ZNF33B: variants seen among roughly 807,000 people sequenced by gnomAD.
The protein encoded by ZNF33B is zinc finger protein 11b (KOX 2).
ZNF33B carries 29 observed loss-of-function variants against 45.8 expected under a neutral mutation model. The observed-to-expected ratio is 0.63, with a 90% confidence interval of 0.47 to 0.86. The LOEUF is 0.86. ZNF33B is among the 40% of genes least tolerant of loss of function. The pLI, the probability that ZNF33B is intolerant of heterozygous loss-of-function variation, is 0.00. For missense variants in ZNF33B, 831 were observed against 909.9 expected, an observed-to-expected ratio of 0.91 and a Z score of 1.12; for synonymous variants, 305 against 307.8, an observed-to-expected ratio of 0.99 and a Z score of 0.10.
At chr10:42,575,244 C>T (rs1359964207) in intron 1 of ZNF33B, among the ~76,000 whole-genome samples, 2 of 152,128 alleles carry the variant, frequency 1.3e-5, no homozygotes, top group South Asian at 2.1e-4. Flanking sequence ...GGGAGCTGTG[C>T]TTAATGTGGC....
At chr10:42,633,726 G>C (rs759356356) in intron 2 of ZNF33B, among the ~76,000 whole-genome samples, 1 of 152,162 alleles carries the variant, frequency 6.6e-6, no homozygotes, top group African/African-American at 2.4e-5. Context: ...TCAGCACTTT[G>C]GGAGGCCGAG....
Position 42,591,424 on chromosome 10 carries a change from G to T in ZNF33B, c.*1189C>A. 1 of 311,044 alleles carries T rather than the reference G, an allele frequency of 3.2e-6. No individual in the cohort carries two copies. The highest frequency in any genetic ancestry group is 4.7e-6 in the Non-Finnish European group (1 of 213,938). The allele number at this position is 311,044 out of a possible 1,614,324, so 19.3% of individuals were successfully genotyped here. ...CCTAGATCTTCACACGTACAGGATAGATTTTTTTTCAGATAATCTGTTATT... is the reference window on the plus strand; with the variant it reads ...CCTAGATCTTCACACGTACAGGATATATTTTTTTTCAGATAATCTGTTATT... On this transcript the variant is annotated 3_prime_UTR_variant, in exon 5 of 5. Coordinates refer to ENST00000359467, the MANE Select transcript of ZNF33B (RefSeq NM_006955.3).
At chr10:42,624,256 G>A (rs1333422614) in intron 4 of ZNF33B, among the ~76,000 whole-genome samples, 1 of 152,172 alleles carries the variant, frequency 6.6e-6, no homozygotes, top group South Asian at 2.1e-4. Flanking sequence ...CCACACTAGG[G>A]TTGAGGGCTC....
Position 42,591,534 on chromosome 10 carries a change from G to T in ZNF33B, c.*1079C>A. Reference sequence around the variant, plus strand: ...TCAGGACACGACAAACACCTGGGATGGGCCTGATGAAGTAACCACTACTAA... The same window carrying T: ...TCAGGACACGACAAACACCTGGGATTGGCCTGATGAAGTAACCACTACTAA... On this transcript the variant is annotated 3_prime_UTR_variant, in exon 5 of 5. Coordinates refer to ENST00000359467, the MANE Select transcript of ZNF33B (RefSeq NM_006955.3). 2 of 391,650 alleles carry T rather than the reference G, an allele frequency of 5.1e-6. No individual in the cohort carries two copies. Among genetic ancestry groups the T allele is most frequent in the Non-Finnish European group, 7.0e-6 (2 of 287,330 alleles). 24.3% of individuals were successfully genotyped at this position (391,650 alleles called of 1,614,324 possible).
At chr10:42,601,481 T>TG (rs201344700) in intron 4 of ZNF33B, among the ~76,000 whole-genome samples, 4 of 140,512 alleles carry the variant, frequency 2.8e-5, no homozygotes, top group East Asian at 2.1e-4. Flanking sequence ...TTTTTTTTTT[T>TG]TTTTTTTTTT....
intron 1 of ZNF33B, chr10:42,578,744 G>GT (rs1836783353): frequency 6.6e-6 from 1 of 152,256 alleles, no homozygotes; most frequent in Non-Finnish European, 1.5e-5. Context: ...TATCTGTGGT[G>GT]TATCTCACAG....
At chr10:42,603,215 C>G (rs1837698185) in intron 4 of ZNF33B, among the ~76,000 whole-genome samples, 1 of 152,182 alleles carries the variant, frequency 6.6e-6, no homozygotes, top group Non-Finnish European at 1.5e-5. Flanking sequence ...GCCTCCAGAT[C>G]CCGAATAATG....
At chr10:42,588,859 GGTA>G (rs1304577492), downstream of ZNF33B, among the ~76,000 whole-genome samples, 1 of 152,164 alleles carries the variant, frequency 6.6e-6, no homozygotes, top group African/African-American at 2.4e-5. Context: ...TGTCTGCTAA[GGTA>G]CCTCACCTGT....
chr10:42,605,609 A>C (rs1837808307), intron 4 of ZNF33B, among the ~76,000 whole-genome samples: 1 of 152,252 alleles, frequency 6.6e-6, no homozygotes, highest in South Asian at 2.1e-4. Flanking sequence ...GAAGTTCTTT[A>C]GGGTGAAAAC....
chr10:42,632,258 G>A (rs1435821414), intron 3 of ZNF33B, 37 bp downstream of exon 3: 14 of 1,579,604 alleles, frequency 8.9e-6, no homozygotes, highest in Admixed American at 3.9e-5. Context: ...CAAAATAAAC[G>A]AATGCTATTT....
chr10:42,636,725 C>T lies in ZNF33B; in HGVS notation c.9+195G>A, dbSNP rs921143891. The T allele has an allele frequency of 2.7e-5, 18 of 662,116 alleles. No individual in the cohort carries two copies. In the African/African-American group the frequency reaches 3.1e-4, roughly 11 times the overall value. The allele number at this position is 662,116 out of a possible 1,614,324, so 41.0% of individuals were successfully genotyped here. A position where few individuals can be genotyped will look rare whatever the true frequency, so the allele number is the denominator to read the frequency against. On this transcript the variant is annotated intron_variant, in intron 2 of 4. Transcript: ENST00000359467. ...GTCCCAGCCAATCGGGAGGCTGAGGCAGGTGAATTGCTTGAACCCAGGAGG... is the reference window on the plus strand; with the variant it reads ...GTCCCAGCCAATCGGGAGGCTGAGGTAGGTGAATTGCTTGAACCCAGGAGG...
intron 4 of ZNF33B, among the ~76,000 whole-genome samples, chr10:42,625,057 T>C (rs1838745278): frequency 6.7e-6 from 1 of 150,342 alleles, no homozygotes; most frequent in African/African-American, 2.5e-5. Flanking sequence ...TATATATATA[T>C]ATATGGTTCC....
chr10:42,615,875 A>C (rs989878956), intron 4 of ZNF33B, among the ~76,000 whole-genome samples: 18 of 151,616 alleles, frequency 1.2e-4, no homozygotes, highest in Non-Finnish European at 2.4e-4. Context: ...CAGTGAGCCG[A>C]GATCACGCCA....
At chr10:42,630,017 C>T (rs1589070818) in intron 4 of ZNF33B, among the ~76,000 whole-genome samples, 1 of 152,166 alleles carries the variant, frequency 6.6e-6, no homozygotes, top group Non-Finnish European at 1.5e-5. Context: ...TTTGCTCCAA[C>T]CATCAAAAAT....
Position 42,594,425 on chromosome 10 carries a change from T to C in ZNF33B, c.525A>G (p.Lys175=). 6.2e-7 allele frequency: 1 copy of C among 1,613,736 alleles called. No homozygotes were observed. The highest frequency in any genetic ancestry group is 1.1e-5 in the South Asian group (1 of 90,974). ...KKSDEFNACG[K]LLLNIKHDET... Reference sequence around the variant, plus strand: ...CATCATGCTTAATATTGAGTAACAATTTCCCACATGCATTAAATTCGTCAG... The same window carrying C: ...CATCATGCTTAATATTGAGTAACAACTTCCCACATGCATTAAATTCGTCAG... The change falls in exon 5 of 5, where the codon AAA becomes AAG. Residue 175 remains lysine (K), a synonymous_variant. Coordinates refer to ENST00000359467, the MANE Select transcript of ZNF33B (RefSeq NM_006955.3).
chr10:42,627,101 T>TCAAGCCATTCTCCTGCCTC (rs962282306), intron 4 of ZNF33B, among the ~76,000 whole-genome samples: 3 of 152,094 alleles, frequency 2.0e-5, no homozygotes, highest in African/African-American at 7.2e-5. Context: ...CTCCCTGGGT[T>TCAAGCCATTCTCCTGCCTC]CAAGCCATTC....
intron 4 of ZNF33B, among the ~76,000 whole-genome samples, chr10:42,611,858 T>C (rs1448239031): frequency 1.1e-4 from 17 of 152,248 alleles, no homozygotes; most frequent in Non-Finnish European, 1.2e-4. Context: ...GGGAGTTCTT[T>C]AGAATTTTCT....
In ZNF33B at chr10:42,597,981, C is replaced by CA. The variant is rs552683567; in HGVS notation, c.251-3283dup. ...CAGTATATTGCTGTATTTTCAAATGCAAAAAAAACCCTATTTTTAAAGTTG... is the reference window on the plus strand; with the variant it reads ...CAGTATATTGCTGTATTTTCAAATGCAAAAAAAAACCCTATTTTTAAAGTTG... On this transcript the variant is annotated intron_variant, in intron 4 of 4. Coordinates refer to ENST00000359467, the MANE Select transcript of ZNF33B (RefSeq NM_006955.3). Among the ~76,000 whole-genome samples, 108 of 151,372 alleles carry CA rather than the reference C, an allele frequency of 7.1e-4. 2 individuals carry two copies. The highest frequency in any genetic ancestry group is 7.1e-3 in the South Asian group (34 of 4,784).
At chr10:42,577,302 C>A (rs1190035026) in intron 1 of ZNF33B, among the ~76,000 whole-genome samples, 2 of 152,130 alleles carry the variant, frequency 1.3e-5, no homozygotes, top group Admixed American at 6.5e-5. Context: ...CCCACTGGTG[C>A]CTCCTCCAGT....
Sources: allele counts gnomAD v4.1 joint callset (sites outside exome capture counted in the v4.1 genomes callset), GRCh38; gene constraint gnomAD v4.1.1; transcripts MANE v1.5; gene names NCBI Gene and HGNC (gene_info 2026-07-23, HGNC 2026-07-21).